RRAS2: variants seen among roughly 807,000 people sequenced by gnomAD.
The protein encoded by RRAS2 is ras-related protein R-Ras2.
In RRAS2, 7 loss-of-function variants were observed where a neutral mutation model predicts 27.6. The ratio of observed to expected loss-of-function variants is 0.25; its 90% CI spans 0.14 to 0.48. The LOEUF (loss-of-function observed/expected upper bound fraction) is 0.48, where lower values mean the gene tolerates loss of function less well. Ranked by LOEUF, RRAS2 falls within the 20% of genes least tolerant of loss-of-function variation. The pLI is 0.99. For synonymous variants in RRAS2, 86 were observed against 90.9 expected (o/e 0.95, Z 0.31); for missense variants, 178 against 256.2 (o/e 0.69, Z 2.08).
chr11:14,292,455 A>G (rs1370440199), intron 4 of RRAS2, among the ~76,000 whole-genome samples: 1 of 152,160 alleles, frequency 6.6e-6, no homozygotes, highest in African/African-American at 2.4e-5. Flanking sequence ...CTTTGCCATT[A>G]TTTCCCAGAT....
intron 1 of RRAS2, among the ~76,000 whole-genome samples, chr11:14,343,095 G>A (rs1318771136): frequency 1.3e-5 from 2 of 152,210 alleles, no homozygotes; most frequent in Non-Finnish European, 2.9e-5. Context: ...TGTGCACCAT[G>A]TACTGTTCAT....
chr11:14,320,676 GA>G (rs1230860246), intron 1 of RRAS2, among the ~76,000 whole-genome samples: 1 of 152,020 alleles, frequency 6.6e-6, no homozygotes, highest in Non-Finnish European at 1.5e-5. Flanking sequence ...AAAGCACAGG[GA>G]AAGAACTTTT....
chr11:14,345,756 A>T (rs1176208892), intron 1 of RRAS2, among the ~76,000 whole-genome samples: 1 of 152,222 alleles, frequency 6.6e-6, no homozygotes, highest in East Asian at 1.9e-4. Flanking sequence ...TAGAGGGTGT[A>T]GTAAAATTTT....
chr11:14,336,311 C>A (rs185765219), intron 1 of RRAS2, among the ~76,000 whole-genome samples: 11 of 152,178 alleles, frequency 7.2e-5, no homozygotes, highest in African/African-American at 2.7e-4. Context: ...TACAGAGCCA[C>A]ACAACAAAAT....
intron 1 of RRAS2, among the ~76,000 whole-genome samples, chr11:14,301,482 C>T (rs543192128): frequency 1.3e-5 from 2 of 152,188 alleles, no homozygotes; most frequent in South Asian, 2.1e-4. Flanking sequence ...TTATCTACTT[C>T]GTCTTTTATT....
rs1240759670 is a variant in RRAS2, at chr11:14,356,783, G to A, written c.108+1980C>T. On this transcript the variant is annotated intron_variant, in intron 1 of 5. Transcript: ENST00000256196. ...CAACAAATGATTCTATAAATTATTAGGAAAACGGCAATTAATGCTTTTTTT... is the reference window on the plus strand; with the variant it reads ...CAACAAATGATTCTATAAATTATTAAGAAAACGGCAATTAATGCTTTTTTT... The A allele has an allele frequency of 1.0e-4, 45 of 445,644 alleles. 2 individuals carry two copies. The Admixed American group carries it at 1.1e-3, about 11-fold the overall frequency. 27.6% of individuals were successfully genotyped at this position (445,644 alleles called of 1,614,324 possible).
intron 1 of RRAS2, chr11:14,356,854 C>G (rs779917327): frequency 7.4e-6 from 3 of 407,564 alleles, no homozygotes; most frequent in Non-Finnish European, 9.5e-6. Flanking sequence ...CAGGCACAAT[C>G]TCGGCTCACT....
At chr11:14,287,362 A>T in intron 4 of RRAS2, among the ~76,000 whole-genome samples, 1 of 151,946 alleles carries the variant, frequency 6.6e-6, no homozygotes, top group African/African-American at 2.4e-5. Context: ...CTTAAGTTAA[A>T]ATATATATAT....
At position 14,358,497 on chromosome 11, in the gene RRAS2, G is replaced by A. The variant is rs1849131190; in HGVS notation, c.108+266C>T. The A allele has an allele frequency of 4.1e-6, 4 of 985,600 alleles. No homozygotes were observed. Among genetic ancestry groups the A allele is most frequent in the Admixed American group, 1.2e-4 (2 of 16,276 alleles). The allele number at this position is 985,600 out of a possible 1,614,324, so 61.1% of individuals were successfully genotyped here. ...TCGGCCAGAGCAATAAGGTGGATCG[G>A]TGCTTCCCACCCTTCCAGCTCCGCC... On this transcript the variant is annotated intron_variant, in intron 1 of 5. Coordinates refer to ENST00000256196, the MANE Select transcript of RRAS2 (RefSeq NM_012250.6). This position sits in a 1 kb window ranked among gnomAD's most constrained non-coding sequence, Gnocchi z 5.1.
chr11:14,279,409 C>T lies in RRAS2; in HGVS notation c.543G>A (p.Gln181=). 1 of 1,611,354 alleles carries T rather than the reference C, an allele frequency of 6.2e-7. No individual in the cohort carries two copies. Among genetic ancestry groups the T allele is most frequent in the Non-Finnish European group, 8.5e-7 (1 of 1,177,702 alleles). ...LVRVIRKFQE[Q]ECPPSPEPTR... is the part of the protein sequence containing the mutation. ...TTGGTTCTGGTGAAGGAGGACATTCCTGCTCTTGAAATTTCCTGTAAGATA... is the reference window on the plus strand; with the variant it reads ...TTGGTTCTGGTGAAGGAGGACATTCTTGCTCTTGAAATTTCCTGTAAGATA... The change falls in exon 6 of 6, where the codon CAG becomes CAA. Residue 181 remains glutamine (Q), a synonymous_variant. Transcript: ENST00000256196.
upstream of RRAS2, among the ~76,000 whole-genome samples, chr11:14,360,079 T>C (rs1399343766): frequency 6.6e-6 from 1 of 152,012 alleles, no homozygotes; most frequent in African/African-American, 2.4e-5. Context: ...CTTGGTATTC[T>C]CACTCCGGGA....
At chr11:14,287,871 CA>C (rs34954723) in intron 4 of RRAS2, among the ~76,000 whole-genome samples, 27,171 of 118,788 alleles carry the variant, frequency 0.23, 2,220 homozygotes, top group East Asian at 0.32. Flanking sequence ...GACTCTGTCT[CA>C]AAAAAAAAAA....
rs371800315 is a variant in RRAS2, at chr11:14,340,711, C to A, written c.108+18052G>T. ...CAATCATCAAAGGATCCCCAATTTACACCATGAGTTAATTCCTAGGTAATT... is the reference window on the plus strand; with the variant it reads ...CAATCATCAAAGGATCCCCAATTTAAACCATGAGTTAATTCCTAGGTAATT... On this transcript the variant is annotated intron_variant, in intron 1 of 5. Transcript: ENST00000256196. Among the ~76,000 whole-genome samples, 3 of 152,162 alleles carry A rather than the reference C, an allele frequency of 2.0e-5. No homozygotes were observed. In the South Asian group the frequency reaches 6.2e-4, roughly 32 times the overall value.
At chr11:14,330,641 T>C (rs1362722647) in intron 1 of RRAS2, among the ~76,000 whole-genome samples, 1 of 148,076 alleles carries the variant, frequency 6.8e-6, no homozygotes, top group African/African-American at 2.4e-5. Context: ...TATGATGACA[T>C]GTAGTTAACA....
chr11:14,340,066 G>GT (rs1564979085), intron 1 of RRAS2, among the ~76,000 whole-genome samples: 1 of 149,538 alleles, frequency 6.7e-6, no homozygotes, highest in African/African-American at 2.4e-5. Context: ...TGTGGGGGAG[G>GT]TTGCAGTGAG....
At chr11:14,304,291 C>T (rs547829012) in intron 1 of RRAS2, among the ~76,000 whole-genome samples, 6 of 152,318 alleles carry the variant, frequency 3.9e-5, no homozygotes, top group East Asian at 1.9e-4. Context: ...TCCTCCACTA[C>T]GTGTGGAAGC....
intron 1 of RRAS2, chr11:14,364,289 G>T (rs140286535): frequency 1.8e-6 from 2 of 1,127,834 alleles, no homozygotes; most frequent in East Asian, 5.1e-5. Flanking sequence ...GGAGATGCTA[G>T]AATCAAGATT....
chr11:14,350,157 T>C (rs962276588), intron 1 of RRAS2, among the ~76,000 whole-genome samples: 1 of 152,226 alleles, frequency 6.6e-6, no homozygotes, highest in Admixed American at 6.5e-5. Context: ...AAAGGTAGTA[T>C]ACACACAGTA....
In RRAS2 at chr11:14,295,795, T is replaced by C. The variant is rs1554946506; in HGVS notation, c.169A>G (p.Ile57Val). 1.2e-6 allele frequency: 2 copies of C among 1,613,294 alleles called. No homozygotes were observed. The highest frequency in any genetic ancestry group is 1.3e-5 in the African/African-American group (1 of 74,914). Residue 57 changes from isoleucine (I) to valine (V), a missense_variant, in exon 2 of 6, where the codon ATA becomes GTA. Physicochemically the swap from Ile to Val is conservative, Grantham distance 29 (BLOSUM62 3). Coordinates refer to ENST00000256196, the MANE Select transcript of RRAS2 (RefSeq NM_012250.6). ...IEDSYTKQCV[I>V]DDRAARLDIL... ...TCTAGCCGGGCTGCTCTGTCATCTA[T>C]CACACACTGCTTTGTGTAAGAATCT...
Sources: allele counts gnomAD v4.1 joint callset (sites outside exome capture counted in the v4.1 genomes callset), GRCh38; gene constraint gnomAD v4.1.1; non-coding constraint Gnocchi (gnomAD v3.1); transcripts MANE v1.5; gene names NCBI Gene and HGNC (gene_info 2026-07-23, HGNC 2026-07-21).